The following MBNL1 variants were observed in gnomAD, a reference collection of about 807,000 sequenced individuals.
MBNL1 encodes the protein muscleblind like splicing regulator 1, also known as muscleblind-like protein 1.
Under a neutral mutation model 42.2 loss-of-function variants are expected in MBNL1, and 8 were observed. The observed-to-expected ratio is 0.19, with a 90% CI of 0.11 to 0.34. The LOEUF is 0.34. MBNL1 is among the 10% of genes least tolerant of loss of function. The pLI, the probability that MBNL1 is intolerant of heterozygous loss-of-function variation, is 1.00. For missense variants in MBNL1, 309 were observed against 495.3 expected (o/e 0.62, Z 3.57); for synonymous variants, 169 against 173.9 (o/e 0.97, Z 0.22).
At chr3:152,296,233 A>G (rs1014035258) in intron 1 of MBNL1, among the ~76,000 whole-genome samples, 1 of 152,186 alleles carries the variant, frequency 6.6e-6, no homozygotes, top group South Asian at 2.1e-4. Flanking sequence ...CACCGTCTGC[A>G]TGTTGGAGTT....
chr3:152,339,804 T>C (rs936977135), intron 2 of MBNL1: 1 of 152,190 alleles, frequency 6.6e-6, no homozygotes, highest in Non-Finnish European at 1.5e-5. Flanking sequence ...GGATGCTTTT[T>C]ATTTTTAGTA....
intron 2 of MBNL1, among the ~76,000 whole-genome samples, chr3:152,350,480 A>G (rs1344432009): frequency 2.0e-5 from 3 of 152,190 alleles, no homozygotes; most frequent in Non-Finnish European, 4.4e-5. Context: ...GATTCAGCAC[A>G]GAAGAGGTTG....
At chr3:152,423,220 A>G (rs1401214814) in intron 3 of MBNL1, among the ~76,000 whole-genome samples, 2 of 152,202 alleles carry the variant, frequency 1.3e-5, no homozygotes, top group Non-Finnish European at 2.9e-5. Flanking sequence ...GAAGAATCAA[A>G]TAGACACAAT....
rs114835356 is a variant in MBNL1 at position 152,269,398 on chromosome 3, A to G, written c.-790+306A>G. 1,079 of 372,576 alleles carry G rather than the reference A, an allele frequency of 2.9e-3. 8 individuals are homozygous for G. The highest frequency in any genetic ancestry group is 0.022 in the African/African-American group (1,011 of 46,322). 23.1% of individuals were successfully genotyped at this position (372,576 alleles called of 1,614,324 possible). On this transcript the variant is annotated intron_variant, in intron 1 of 9. Transcript: ENST00000324210. ...CCCAGGGAGAAACAGGGGGGCGAGAAGAGAAACAGGTGCGTGCAAGTGTAC... is the reference window on the plus strand; with the variant it reads ...CCCAGGGAGAAACAGGGGGGCGAGAGGAGAAACAGGTGCGTGCAAGTGTAC...
chr3:152,419,567 G>C (rs547708750), intron 3 of MBNL1, among the ~76,000 whole-genome samples: 2 of 152,166 alleles, frequency 1.3e-5, no homozygotes, highest in Admixed American at 1.3e-4. Context: ...TTTTCCCATG[G>C]TCTTCGCAAA....
intron 2 of MBNL1, among the ~76,000 whole-genome samples, chr3:152,374,324 T>G (rs2096804775): frequency 6.6e-6 from 1 of 152,208 alleles, no homozygotes; most frequent in Non-Finnish European, 1.5e-5. Flanking sequence ...ATTTTCATTT[T>G]TGATTAGAGG....
At chr3:152,323,705 TACTC>T (rs1211870014) in intron 2 of MBNL1, among the ~76,000 whole-genome samples, 1 of 152,140 alleles carries the variant, frequency 6.6e-6, no homozygotes, top group Non-Finnish European at 1.5e-5. Flanking sequence ...TATCAAAACA[TACTC>T]AAACGTAGAA....
chr3:152,281,004 T>C (rs1222843847), intron 1 of MBNL1, among the ~76,000 whole-genome samples: 2 of 152,134 alleles, frequency 1.3e-5, no homozygotes, highest in African/African-American at 4.8e-5. Flanking sequence ...TTATGGCCTA[T>C]AGAAAAAGGT....
upstream of MBNL1, chr3:152,264,349 T>C (rs2036828213): frequency 6.7e-6 from 1 of 150,166 alleles, no homozygotes; most frequent in South Asian, 2.1e-4. Context: ...AAAGAAAGGA[T>C]GAAAAAATAG....
At chr3:152,351,745 A>T (rs1283593394) in intron 2 of MBNL1, among the ~76,000 whole-genome samples, 1 of 152,200 alleles carries the variant, frequency 6.6e-6, no homozygotes, top group East Asian at 1.9e-4. Context: ...GTCATCTGTA[A>T]CACTGGGTTA....
chr3:152,428,479 A>T (rs1580277686), intron 3 of MBNL1, among the ~76,000 whole-genome samples: 1 of 152,354 alleles, frequency 6.6e-6, no homozygotes, highest in Non-Finnish European at 1.5e-5. Context: ...AGAGAAACTT[A>T]CCTAAAGAGT....
At chr3:152,312,941 C>T (rs1282767703) in intron 2 of MBNL1, among the ~76,000 whole-genome samples, 1 of 152,184 alleles carries the variant, frequency 6.6e-6, no homozygotes, top group Non-Finnish European at 1.5e-5. Flanking sequence ...TCACTTCATT[C>T]CCAGTGTCAC....
At chr3:152,384,174 G>A (rs2097307361) in intron 2 of MBNL1, among the ~76,000 whole-genome samples, 1 of 152,108 alleles carries the variant, frequency 6.6e-6, no homozygotes. Flanking sequence ...TACACTTTGG[G>A]AAGGGTGATC....
intron 2 of MBNL1, among the ~76,000 whole-genome samples, chr3:152,392,415 A>C (rs1309671608): frequency 2.6e-5 from 4 of 152,206 alleles, no homozygotes; most frequent in Non-Finnish European, 5.9e-5. Context: ...CCTTTTGTAC[A>C]TATTTACATT....
intron 1 of MBNL1, among the ~76,000 whole-genome samples, chr3:152,296,254 A>T (rs920391162): frequency 2.0e-5 from 3 of 152,170 alleles, no homozygotes; most frequent in African/African-American, 7.2e-5. Flanking sequence ...TCTTCAGCAC[A>T]TTTGGAAGCT....
chr3:152,453,129 G>A (rs908970348), intron 6 of MBNL1, among the ~76,000 whole-genome samples: 1 of 151,912 alleles, frequency 6.6e-6, no homozygotes, highest in Admixed American at 6.6e-5. Context: ...TTAACTTTTA[G>A]TCTTAAAATG....
At chr3:152,452,944 AG>A (rs148134482) in intron 6 of MBNL1, among the ~76,000 whole-genome samples, 10,213 of 151,754 alleles carry the variant, frequency 0.067, 448 homozygotes, top group Middle Eastern at 0.17. Context: ...GTCTAAGGGC[AG>A]GGGTAGGCAG....
chr3:152,365,939 A>G (rs1336002402), intron 2 of MBNL1, among the ~76,000 whole-genome samples: 1 of 152,174 alleles, frequency 6.6e-6, no homozygotes, highest in Non-Finnish European at 1.5e-5. Context: ...TCAAAATCAT[A>G]AACAATAGAG....
intron 1 of MBNL1, among the ~76,000 whole-genome samples, chr3:152,272,045 C>CTT (rs2042242503): frequency 6.9e-6 from 1 of 144,092 alleles, no homozygotes; most frequent in African/African-American, 2.8e-5. Flanking sequence ...TCTTTTCTCT[C>CTT]TCTCTCTCTC....
Sources: allele counts gnomAD v4.1 joint callset (sites outside exome capture counted in the v4.1 genomes callset), GRCh38; gene constraint gnomAD v4.1.1; transcripts MANE v1.5; gene names NCBI Gene and HGNC (gene_info 2026-07-23, HGNC 2026-07-21).